The following AUTS2 variants were observed in gnomAD, a reference collection of about 807,000 sequenced individuals.
AUTS2 encodes autism susceptibility gene 2 protein.
Under a neutral mutation model 112.4 loss-of-function variants are expected in AUTS2, and 17 were observed. That is an observed-to-expected ratio of 0.15 (90% CI 0.10 to 0.23). AUTS2 has a LOEUF of 0.23. AUTS2 is among the 10% of genes least tolerant of loss of function. The pLI, the probability that AUTS2 is intolerant of heterozygous loss-of-function variation, is 1.00. For synonymous variants in AUTS2, 751 were observed against 702.7 expected (o/e 1.07, Z -1.09); for missense variants, 1,510 against 1,701.6 (o/e 0.89, Z 1.98).
At chr7:70,612,856 C>T (rs1440853437) in intron 5 of AUTS2, among the ~76,000 whole-genome samples, 2 of 151,828 alleles carry the variant, frequency 1.3e-5, no homozygotes, top group South Asian at 2.1e-4. Flanking sequence ...ATTGCTTAGA[C>T]CCTTGTGACT....
chr7:70,334,214 T>C (rs937165017), intron 4 of AUTS2, among the ~76,000 whole-genome samples: 3 of 152,188 alleles, frequency 2.0e-5, no homozygotes, highest in Admixed American at 2.0e-4. Context: ...AGTACAATGT[T>C]AGCTGCAGGT....
At chr7:70,771,990 G>A (rs1790377761) in intron 11 of AUTS2, among the ~76,000 whole-genome samples, 1 of 152,174 alleles carries the variant, frequency 6.6e-6, no homozygotes, top group Non-Finnish European at 1.5e-5. Context: ...TGTGCGCCAG[G>A]TTGTTCCGCA....
At position 69,789,145 on chromosome 7, in the gene AUTS2, C is replaced by T. The variant is rs947952558; in HGVS notation, c.310-110141C>T. 3.4e-4 allele frequency among the ~76,000 whole-genome samples: 51 copies of T among 152,132 alleles called. 1 individual carries two copies. The highest frequency in any genetic ancestry group is 1.6e-3 in the Admixed American group (24 of 15,280). ...TGGTGTTTACCTTATATCAAGAATG[C>T]AGCATTTAAGGCCACTTTGACAGAG... On this transcript the variant is annotated intron_variant, in intron 1 of 18. Transcript: ENST00000342771.
intron 2 of AUTS2, among the ~76,000 whole-genome samples, chr7:69,985,515 C>T (rs1353307394): frequency 6.6e-6 from 1 of 152,276 alleles, no homozygotes; most frequent in South Asian, 2.1e-4. Flanking sequence ...TCCTCTAGGG[C>T]TTCTTATTAC....
chr7:70,609,387 A>C (rs1467948814), intron 5 of AUTS2, among the ~76,000 whole-genome samples: 1 of 136,362 alleles, frequency 7.3e-6, no homozygotes, highest in Non-Finnish European at 1.6e-5. Context: ...AGAGGACAGG[A>C]TTGTCTTTTT....
At chr7:70,053,551 T>TTTTTTTTTTTTTTTG (rs1801856879) in intron 2 of AUTS2, among the ~76,000 whole-genome samples, 1 of 150,142 alleles carries the variant, frequency 6.7e-6, no homozygotes, top group African/African-American at 2.5e-5. Flanking sequence ...GTGGTTTTTT[T>TTTTTTTTTTTTTTTG]TTTTTGGAGA....
intron 1 of AUTS2, among the ~76,000 whole-genome samples, chr7:69,831,041 T>C (rs1370898666): frequency 6.6e-6 from 1 of 152,210 alleles, no homozygotes; most frequent in African/African-American, 2.4e-5. Context: ...AGCCTGGTAC[T>C]GGAGTCAGTA....
At chr7:70,486,917 A>AG (rs1798034192) in intron 5 of AUTS2, among the ~76,000 whole-genome samples, 1 of 137,224 alleles carries the variant, frequency 7.3e-6, no homozygotes, top group Non-Finnish European at 1.6e-5. Flanking sequence ...CCAAAAAAAA[A>AG]GAAGAAAAGG....
intron 1 of AUTS2, among the ~76,000 whole-genome samples, chr7:69,710,258 A>G (rs764518366): frequency 6.6e-6 from 1 of 152,222 alleles, no homozygotes; most frequent in African/African-American, 2.4e-5. Context: ...TAATTAGCTC[A>G]TGAGATTGCA....
At chr7:70,290,411 C>T in intron 4 of AUTS2, 1 of 1,535,898 alleles carries the variant, frequency 6.5e-7, no homozygotes, top group Non-Finnish European at 8.8e-7. Flanking sequence ...TGTCTTAAAT[C>T]TGGAAATGAT....
chr7:69,971,001 C>A (rs998174634), intron 2 of AUTS2, among the ~76,000 whole-genome samples: 5 of 152,044 alleles, frequency 3.3e-5, no homozygotes, highest in African/African-American at 1.2e-4. Context: ...AGCAAGACCT[C>A]ATTATCTGCA....
chr7:70,055,860 T>A (rs1014048300), intron 2 of AUTS2, among the ~76,000 whole-genome samples: 1 of 152,188 alleles, frequency 6.6e-6, no homozygotes, highest in African/African-American at 2.4e-5. Flanking sequence ...TTTTTTTATT[T>A]TTATTTTTTT....
chr7:70,493,961 GATAAGT>G (rs1339566086), intron 5 of AUTS2, among the ~76,000 whole-genome samples: 1 of 152,114 alleles, frequency 6.6e-6, no homozygotes, highest in Non-Finnish European at 1.5e-5. Context: ...GATAAGGCAG[GATAAGT>G]ATTCACTGCC....
intron 2 of AUTS2, among the ~76,000 whole-genome samples, chr7:70,098,969 T>G (rs1453602547): frequency 7.9e-5 from 12 of 152,134 alleles, no homozygotes; most frequent in Non-Finnish European, 1.2e-4. Context: ...CCCAAAGTGC[T>G]GGGATTATAG....
At chr7:70,435,407 T>C (rs771738368) in intron 4 of AUTS2, among the ~76,000 whole-genome samples, 9 of 152,206 alleles carry the variant, frequency 5.9e-5, no homozygotes, top group Non-Finnish European at 1.0e-4. Context: ...CTTAATCCTG[T>C]GGCTGACTCC....
intron 4 of AUTS2, among the ~76,000 whole-genome samples, chr7:70,425,346 A>G (rs907806163): frequency 6.6e-6 from 1 of 152,220 alleles, no homozygotes; most frequent in South Asian, 2.1e-4. Flanking sequence ...TAATCTATTC[A>G]TATTCATTCT....
chr7:70,277,860 A>T (rs1330775897), intron 4 of AUTS2, among the ~76,000 whole-genome samples: 1 of 152,170 alleles, frequency 6.6e-6, no homozygotes, highest in Non-Finnish European at 1.5e-5. Flanking sequence ...GAGAGCAAAA[A>T]ACTATCAAGT....
intron 1 of AUTS2, among the ~76,000 whole-genome samples, chr7:69,652,413 G>C (rs1281509702): frequency 6.6e-6 from 1 of 150,918 alleles, no homozygotes; most frequent in Non-Finnish European, 1.5e-5. Flanking sequence ...AAGAGAGTCA[G>C]GTGAGATGTG....
At chr7:69,834,920 ACTTTTC>A (rs1408354101) in intron 1 of AUTS2, among the ~76,000 whole-genome samples, 1 of 151,982 alleles carries the variant, frequency 6.6e-6, no homozygotes, top group African/African-American at 2.4e-5. Context: ...TTATGTTCAC[ACTTTTC>A]CTTTTTTCTT....
Sources: allele counts gnomAD v4.1 joint callset (sites outside exome capture counted in the v4.1 genomes callset), GRCh38; gene constraint gnomAD v4.1.1; transcripts MANE v1.5; gene names NCBI Gene and HGNC (gene_info 2026-07-23, HGNC 2026-07-21).